SLC47A2: variants seen among roughly 807,000 people sequenced by gnomAD.
SLC47A2 encodes the protein multidrug and toxin extrusion protein 2.
SLC47A2 carries 52 observed loss-of-function variants against 67.7 expected under a neutral mutation model. The observed-to-expected ratio is 0.77, with a 90% CI of 0.61 to 0.97. SLC47A2 has a LOEUF of 0.97. Ranked by LOEUF, SLC47A2 falls within the 50% of genes least tolerant of loss-of-function variation. The pLI, the probability that SLC47A2 is intolerant of heterozygous loss-of-function variation, is 0.00. For synonymous variants in SLC47A2, 278 were observed against 292.9 expected, an observed-to-expected ratio of 0.95 and a Z score of 0.52; for missense variants, 676 against 712.3, an observed-to-expected ratio of 0.95 and a Z score of 0.58.
intron 13 of SLC47A2, among the ~76,000 whole-genome samples, chr17:19,701,126 C>CCACTG (rs1372339548): frequency 1.3e-5 from 2 of 149,354 alleles, no homozygotes; most frequent in Non-Finnish European, 1.5e-5. Flanking sequence ...CAAGATCACA[C>CCACTG]CACTGCACTC....
chr17:19,714,360 G>A (rs989722501), intron 3 of SLC47A2: 4 of 414,688 alleles, frequency 9.6e-6, no homozygotes, highest in African/African-American at 7.9e-5. Flanking sequence ...CTGCAAGCAG[G>A]GAGGTTCCTT....
chr17:19,699,070 T>A (rs987201877), intron 13 of SLC47A2, among the ~76,000 whole-genome samples: 6 of 152,162 alleles, frequency 3.9e-5, no homozygotes, highest in Non-Finnish European at 5.9e-5. Context: ...TAGGAATGAT[T>A]CTATTGGTGA....
intron 16 of SLC47A2, 70 bp downstream of exon 16, chr17:19,679,882 G>T: frequency 6.8e-7 from 1 of 1,464,196 alleles, no homozygotes; most frequent in Non-Finnish European, 9.4e-7. Context: ...AGGCACAGAG[G>T]GCAGACAAGA....
intron 10 of SLC47A2, chr17:19,704,717 G>A: frequency 6.5e-7 from 1 of 1,547,788 alleles, no homozygotes; most frequent in Non-Finnish European, 8.7e-7. Flanking sequence ...GAGGGGAGGT[G>A]GGGGCTGTGG....
rs1567613903 is a variant in SLC47A2 at position 19,681,307 on chromosome 17, C to G, written c.1392+60G>C. The G allele has an allele frequency of 9.9e-6, 14 of 1,418,024 alleles. No homozygotes were observed. In the East Asian group the frequency reaches 3.0e-4, roughly 30 times the overall value. 87.8% of individuals were successfully genotyped at this position (1,418,024 alleles called of 1,614,324 possible). A position where few individuals can be genotyped will look rare whatever the true frequency, so the allele number is the denominator to read the frequency against. ...CTGGGCATTTCTGGCTGAGTAGTCA[C>G]TCCACCTGCTGGGGTCAGGTGCAGG... On this transcript the variant is annotated intron_variant, in intron 15 of 16. Coordinates refer to ENST00000433844, the MANE Select transcript of SLC47A2 (RefSeq NM_001099646.3).
At chr17:19,679,593 A>G (rs2085269024) in intron 16 of SLC47A2, among the ~76,000 whole-genome samples, 1 of 152,178 alleles carries the variant, frequency 6.6e-6, no homozygotes, top group African/African-American at 2.4e-5. Context: ...GGGGGAGATC[A>G]TGGGCTCTTG....
At chr17:19,684,198 C>A (rs553841436) in intron 13 of SLC47A2, among the ~76,000 whole-genome samples, 1 of 152,244 alleles carries the variant, frequency 6.6e-6, no homozygotes, top group Non-Finnish European at 1.5e-5. Flanking sequence ...CAGGCACATT[C>A]CATCATGCCT....
chr17:19,701,893 C>A (rs1186667442), intron 13 of SLC47A2, among the ~76,000 whole-genome samples: 1 of 152,080 alleles, frequency 6.6e-6, no homozygotes, highest in African/African-American at 2.4e-5. Context: ...TTGGAAGGCC[C>A]ACCAGGAGAG....
At chr17:19,680,696 G>T (rs1479290936) in intron 15 of SLC47A2, among the ~76,000 whole-genome samples, 1 of 152,176 alleles carries the variant, frequency 6.6e-6, no homozygotes, top group Non-Finnish European at 1.5e-5. Context: ...CATCAAAGAG[G>T]ATGGTGGGCA....
At chr17:19,708,807 TC>T in intron 5 of SLC47A2, 47 bp from the exon 6 acceptor site, 1 of 1,602,118 alleles carries the variant, frequency 6.2e-7, no homozygotes, top group Non-Finnish European at 8.5e-7. Context: ...TGACCAAAAC[TC>T]ACCAAATGAG....
chr17:19,691,129 A>C (rs1011724811), intron 13 of SLC47A2, among the ~76,000 whole-genome samples: 1 of 152,100 alleles, frequency 6.6e-6, no homozygotes, highest in South Asian at 2.1e-4. Context: ...GTCTAAAAAA[A>C]AAAAAAGGGA....
intron 13 of SLC47A2, among the ~76,000 whole-genome samples, chr17:19,684,471 A>T (rs1479590527): frequency 6.6e-6 from 1 of 152,174 alleles, no homozygotes; most frequent in Non-Finnish European, 1.5e-5. Context: ...TTGGAAAGGG[A>T]GAAAGGTCTC....
chr17:19,690,341 C>T lies in SLC47A2; in HGVS notation c.1165-8671G>A, dbSNP rs1454977161. Among the ~76,000 whole-genome samples, 3 of 152,128 alleles carry T rather than the reference C, an allele frequency of 2.0e-5. No individual in the cohort carries two copies. The South Asian group carries it at 6.2e-4, about 32-fold the overall frequency. ...TACTAGAAGAAGAACTTTGGGAAAA[C>T]TCTCCAGGAAATTGATCTGGGCAAA... On this transcript the variant is annotated intron_variant, in intron 13 of 16. Transcript: ENST00000433844.
Position 19,678,582 on chromosome 17 carries a change from T to G in SLC47A2, c.*104A>C. 7 of 1,204,586 alleles carry G rather than the reference T, an allele frequency of 5.8e-6. No homozygotes were observed. Among genetic ancestry groups the G allele is most frequent in the Non-Finnish European group, 8.4e-6 (7 of 832,254 alleles). The allele number at this position is 1,204,586 out of a possible 1,614,324, so 74.6% of individuals were successfully genotyped here. ...TCTTTTTTTGAGGAGTGGTTCAAAG[T>G]GTCCACCTGCACTAGACCCCATTGG... On this transcript the variant is annotated 3_prime_UTR_variant, in exon 17 of 17. Coordinates refer to ENST00000433844, the MANE Select transcript of SLC47A2 (RefSeq NM_001099646.3).
intron 13 of SLC47A2, among the ~76,000 whole-genome samples, chr17:19,690,277 G>A (rs2085511653): frequency 6.6e-6 from 1 of 152,128 alleles, no homozygotes; most frequent in Non-Finnish European, 1.5e-5. Flanking sequence ...AATTCAAAAT[G>A]GACTAAAGAC....
intron 13 of SLC47A2, among the ~76,000 whole-genome samples, chr17:19,682,329 TCACACACACACA>T (rs376421449): frequency 1.6e-3 from 230 of 143,884 alleles, no homozygotes; most frequent in African/African-American, 3.8e-3. Flanking sequence ...CGAGACTTGG[TCACACACACACA>T]CACACACACA....
rs1347380031 is a variant in SLC47A2 at position 19,681,679 on chromosome 17, G to A, written c.1165-9C>T. 1 of 1,605,284 alleles carries A rather than the reference G, an allele frequency of 6.2e-7. No individual in the cohort carries two copies. The highest frequency in any genetic ancestry group is 8.5e-7 in the Non-Finnish European group (1 of 1,174,184). On this transcript the variant is annotated splice_polypyrimidine_tract_variant and intron_variant, in intron 13 of 16. Coordinates refer to ENST00000433844, the MANE Select transcript of SLC47A2 (RefSeq NM_001099646.3). ...ACTCCGCCATAGACACACTAGGAGGGGAGACAGAAATGGGCAAGAGTCAGG... is the reference window on the plus strand; with the variant it reads ...ACTCCGCCATAGACACACTAGGAGGAGAGACAGAAATGGGCAAGAGTCAGG...
chr17:19,702,108 CAAAAA>C (rs758350914), intron 13 of SLC47A2: 2 of 519,202 alleles, frequency 3.9e-6, no homozygotes, highest in East Asian at 3.2e-4. Flanking sequence ...GACCCTGTCT[CAAAAA>C]AAAAAAAAAA....
In SLC47A2 at chr17:19,714,709, G is replaced by T; in HGVS notation, c.294+12C>A. 1 of 1,613,886 alleles carries T rather than the reference G, an allele frequency of 6.2e-7. No homozygotes were observed. Among genetic ancestry groups the T allele is most frequent in the Non-Finnish European group, 8.5e-7 (1 of 1,180,030 alleles). On this transcript the variant is annotated intron_variant, in intron 3 of 16. Transcript: ENST00000433844. ...TGCCTGGCTTCCTGCCCAGCTCCAG[G>T]AGGCCACCCACCTGAGACATCAAGG...
Sources: gnomAD v4.1 joint callset for allele counts (sites outside exome capture counted in the v4.1 genomes callset) on GRCh38, gnomAD v4.1.1 for gene constraint, MANE v1.5 for transcripts, NCBI Gene and HGNC (gene_info 2026-07-23, HGNC 2026-07-21) for gene names.